The following NBAS variants were observed in gnomAD, a reference collection of about 807,000 sequenced individuals.
NBAS encodes the protein NAG/BC035112 fusion.
NBAS carries 219 observed loss-of-function variants against 302.5 expected under a neutral mutation model. That is an observed-to-expected ratio of 0.72 (90% CI 0.65 to 0.81). The LOEUF (loss-of-function observed/expected upper bound fraction) is 0.81, where lower values mean the gene tolerates loss of function less well. Ranked by LOEUF, NBAS falls within the 30% of genes least tolerant of loss-of-function variation. The pLI is 0.00. For missense variants in NBAS, 2,932 were observed against 2,841.6 expected, an observed-to-expected ratio of 1.03 and a Z score of -0.72; for synonymous variants, 1,118 against 1,021.6, an observed-to-expected ratio of 1.09 and a Z score of -1.80.
At chr2:15,475,363 GA>G (rs1680144114) in intron 14 of NBAS, among the ~76,000 whole-genome samples, 4 of 152,172 alleles carry the variant, frequency 2.6e-5, no homozygotes, top group Admixed American at 2.0e-4. Context: ...ATGCTTTTTG[GA>G]AATGGGTTAA....
At chr2:14,976,869 T>G in the NBAS span, among the ~76,000 whole-genome samples, 6 of 152,314 alleles carry the variant, frequency 3.9e-5, no homozygotes, top group African/African-American at 1.4e-4. Flanking sequence ...CAAGGAAGGA[T>G]TCTCCCCTAG....
At chr2:14,887,358 G>T in the NBAS span, among the ~76,000 whole-genome samples, 5 of 144,046 alleles carry the variant, frequency 3.5e-5, no homozygotes, top group Admixed American at 2.8e-4. Context: ...ATCTGAGATC[G>T]CGCCACCGCA....
the NBAS span, among the ~76,000 whole-genome samples, chr2:15,078,201 A>G: frequency 6.6e-6 from 1 of 152,200 alleles, no homozygotes; most frequent in East Asian, 1.9e-4. Flanking sequence ...TTTATCCTGC[A>G]GGCAATGGGA....
At chr2:14,792,144 C>G in the NBAS span, among the ~76,000 whole-genome samples, 1 of 152,118 alleles carries the variant, frequency 6.6e-6, no homozygotes, top group East Asian at 1.9e-4. Context: ...CCAAGAAAAC[C>G]AAAATAACAC....
intron 35 of NBAS, among the ~76,000 whole-genome samples, chr2:15,341,509 C>A (rs1043342662): frequency 4.6e-5 from 7 of 151,936 alleles, no homozygotes; most frequent in African/African-American, 1.2e-4. Flanking sequence ...TGGAAAATGT[C>A]TTTTGCAAAT....
intron 32 of NBAS, among the ~76,000 whole-genome samples, chr2:15,361,477 C>T (rs1673922731): frequency 1.3e-5 from 2 of 151,340 alleles, no homozygotes; most frequent in African/African-American, 4.9e-5. Flanking sequence ...CGCACCACCG[C>T]ACTCCAGCCT....
the NBAS span, among the ~76,000 whole-genome samples, chr2:14,912,369 A>G: frequency 8.9e-3 from 1,351 of 152,316 alleles, 33 homozygotes; most frequent in African/African-American, 0.031. Flanking sequence ...AATAAATGTC[A>G]TTAATTATAG....
chr2:15,293,168 T>C (rs867526161), intron 40 of NBAS, among the ~76,000 whole-genome samples: 1 of 152,224 alleles, frequency 6.6e-6, no homozygotes, highest in Non-Finnish European at 1.5e-5. Context: ...TGGATAAATT[T>C]TCTGTGGACT....
intron 44 of NBAS, among the ~76,000 whole-genome samples, chr2:15,262,747 T>A (rs1198949831): frequency 6.6e-6 from 1 of 152,204 alleles, no homozygotes; most frequent in Non-Finnish European, 1.5e-5. Context: ...GTTCTCCTCA[T>A]GAGAATTTTT....
chr2:15,440,278 C>T (rs894155363), intron 21 of NBAS, among the ~76,000 whole-genome samples: 1 of 152,226 alleles, frequency 6.6e-6, no homozygotes, highest in African/African-American at 2.4e-5. Context: ...CAGACTGACA[C>T]TTCACACGGC....
intron 48 of NBAS, among the ~76,000 whole-genome samples, chr2:15,193,314 A>G (rs889518392): frequency 6.6e-6 from 1 of 152,160 alleles, no homozygotes; most frequent in African/African-American, 2.4e-5. Flanking sequence ...ACTCCATCAT[A>G]TCAAAGCGTT....
At chr2:15,171,493 A>G (rs756105997) in intron 51 of NBAS, among the ~76,000 whole-genome samples, 4 of 152,242 alleles carry the variant, frequency 2.6e-5, no homozygotes, top group African/African-American at 4.8e-5. Flanking sequence ...AATAGTTGTT[A>G]TAAGTTATTT....
intron 26 of NBAS, among the ~76,000 whole-genome samples, chr2:15,401,173 A>T (rs1270835398): frequency 6.6e-6 from 1 of 152,086 alleles, no homozygotes; most frequent in Non-Finnish European, 1.5e-5. Context: ...ATACTTTGGT[A>T]TCATGCAAAT....
intron 40 of NBAS, among the ~76,000 whole-genome samples, chr2:15,305,118 T>A (rs760476598): frequency 6.6e-6 from 1 of 152,066 alleles, no homozygotes; most frequent in African/African-American, 2.4e-5. Context: ...AGAGGCAGAA[T>A]GATATGATTA....
chr2:14,929,990 C>G, the NBAS span, among the ~76,000 whole-genome samples: 1 of 152,130 alleles, frequency 6.6e-6, no homozygotes, highest in Non-Finnish European at 1.5e-5. Context: ...CCCCTTTGCT[C>G]TCTCTCTCCT....
chr2:14,886,847 A>C, the NBAS span: 1 of 152,174 alleles, frequency 6.6e-6, no homozygotes, highest in South Asian at 2.1e-4. Flanking sequence ...CTCAAGCCTG[A>C]GGGCCATTCT....
At chr2:14,866,214 G>A in the NBAS span, among the ~76,000 whole-genome samples, 1 of 152,082 alleles carries the variant, frequency 6.6e-6, no homozygotes, top group Non-Finnish European at 1.5e-5. Context: ...TATACAGTCA[G>A]CTTAACAGTG....
At chr2:15,147,603 T>C in the NBAS span, among the ~76,000 whole-genome samples, 6 of 151,728 alleles carry the variant, frequency 4.0e-5, no homozygotes, top group Admixed American at 3.9e-4. Context: ...AAAAAAATAA[T>C]AATAAAAAAA....
chr2:15,196,702 C>T (rs1187667630), intron 48 of NBAS, among the ~76,000 whole-genome samples: 1 of 152,132 alleles, frequency 6.6e-6, no homozygotes, highest in Non-Finnish European at 1.5e-5. Context: ...AGAAAAATGG[C>T]TACATATATA....
Sources: gnomAD v4.1 joint callset for allele counts (sites outside exome capture counted in the v4.1 genomes callset) on GRCh38, gnomAD v4.1.1 for gene constraint, MANE v1.5 for transcripts, NCBI Gene and HGNC (gene_info 2026-07-23, HGNC 2026-07-21) for gene names.